LRRC61: variants seen among roughly 807,000 people sequenced by gnomAD.
The protein encoded by LRRC61 is leucine rich repeat containing 61.
Under a neutral mutation model 15.1 loss-of-function variants are expected in LRRC61, and 9 were observed. That is an observed-to-expected ratio of 0.60 (90% CI 0.36 to 1.04). The LOEUF is 1.04. Among genes scored for constraint, LRRC61 ranks in the 50% least tolerant of loss-of-function variants. The pLI, the probability that LRRC61 is intolerant of heterozygous loss-of-function variation, is 0.01. For missense variants in LRRC61, 344 were observed against 335.6 expected, an observed-to-expected ratio of 1.03 and a Z score of -0.20; for synonymous variants, 173 against 158.6, an observed-to-expected ratio of 1.09 and a Z score of -0.68.
rs957088989 is a variant in LRRC61 at position 150,337,876 on chromosome 7, G to A, written c.*235G>A. ...CTCCCACATCCGTGAGCCTGTGTCCGCAGCTGCTGCCACTCTGGGCTGCTC... is the reference window on the plus strand; with the variant it reads ...CTCCCACATCCGTGAGCCTGTGTCCACAGCTGCTGCCACTCTGGGCTGCTC... On this transcript the variant is annotated 3_prime_UTR_variant, in exon 3 of 3. Transcript: ENST00000359623. 7.0e-6 allele frequency: 4 copies of A among 567,442 alleles called. No individual in the cohort carries two copies. The highest frequency in any genetic ancestry group is 3.8e-5 in the African/African-American group (2 of 52,612). 35.2% of individuals were successfully genotyped at this position (567,442 alleles called of 1,614,324 possible). A position where few individuals can be genotyped will look rare whatever the true frequency, so the allele number is the denominator to read the frequency against.
upstream of LRRC61, among the ~76,000 whole-genome samples, chr7:150,321,150 C>A (rs1206434493): frequency 6.6e-6 from 1 of 152,168 alleles, no homozygotes; most frequent in Non-Finnish European, 1.5e-5. Flanking sequence ...ATCTCCCTAA[C>A]CTTTATGTGT....
chr7:150,333,903 GGTC>G lies in LRRC61; in HGVS notation c.-144-2814_-144-2812del, dbSNP rs1283425956. The stretch of plus-strand genomic sequence containing the variant: ...GGTGATGGACCAGAAACACAGCAGA[GGTC>G]ACTGACCCCCAAGAGAATGAGGGTT... On this transcript the variant is annotated intron_variant, in intron 2 of 2. Coordinates refer to ENST00000359623, the MANE Select transcript of LRRC61 (RefSeq NM_001142928.2). This position sits in a 1 kb window ranked among gnomAD's most constrained non-coding sequence, Gnocchi z 4.3. 4.1e-6 allele frequency: 4 copies of G among 985,228 alleles called. No individual in the cohort carries two copies. Among genetic ancestry groups the G allele is most frequent in the Admixed American group, 6.2e-5 (1 of 16,256 alleles). 61.0% of individuals were successfully genotyped at this position (985,228 alleles called of 1,614,324 possible). A position where few individuals can be genotyped will look rare whatever the true frequency, so the allele number is the denominator to read the frequency against.
At chr7:150,331,339 C>T in intron 2 of LRRC61, 1 of 517,124 alleles carries the variant, frequency 1.9e-6, no homozygotes, top group Non-Finnish European at 3.5e-6. Flanking sequence ...CGGTGCTCAC[C>T]CTGCCCGTGA....
In LRRC61 at chr7:150,337,170, T is replaced by C; in HGVS notation, c.309T>C (p.Asn103=). The C allele has an allele frequency of 3.7e-6, 6 of 1,609,722 alleles. No individual in the cohort carries two copies. The highest frequency in any genetic ancestry group is 5.1e-6 in the Non-Finnish European group (6 of 1,179,962). Residue 103 remains asparagine, a synonymous_variant, in exon 3 of 3, where the codon AAT becomes AAC. Transcript: ENST00000359623. ...LATCENLQSL[N]AAGNLLATPG... is the part of the protein sequence containing the mutation. ...CCTGTGAGAACTTGCAGAGTCTCAA[T>C]GCCGCAGGCAACCTACTGGCCACCC...
rs760740442 is a variant in LRRC61, at chr7:150,323,575, G to A, written c.-315+15G>A. The A allele has an allele frequency of 2.2e-6, 1 of 446,100 alleles. No homozygotes were observed. Among genetic ancestry groups the A allele is most frequent in the South Asian group, 1.6e-5 (1 of 63,730 alleles). The allele number at this position is 446,100 out of a possible 1,614,324, so 27.6% of individuals were successfully genotyped here. The stretch of plus-strand genomic sequence containing the variant: ...CCACCCCTCAGGTAAGCGGGGACTG[G>A]GCCGCCGAGGTTCAGGGAAGGGGGC... On this transcript the variant is annotated intron_variant, in intron 1 of 2. Coordinates refer to ENST00000359623, the MANE Select transcript of LRRC61 (RefSeq NM_001142928.2).
At chr7:150,317,922 T>C in the LRRC61 span, among the ~76,000 whole-genome samples, 1 of 151,714 alleles carries the variant, frequency 6.6e-6, no homozygotes, top group African/African-American at 2.4e-5. Context: ...AGGAGGAAAG[T>C]AAACCAAAAG....
chr7:150,319,468 A>G (rs1282368878), upstream of LRRC61, among the ~76,000 whole-genome samples: 2 of 152,120 alleles, frequency 1.3e-5, no homozygotes, highest in South Asian at 2.1e-4. Flanking sequence ...CGGCCTCCCA[A>G]AGTGCTGGGA....
intron 2 of LRRC61, among the ~76,000 whole-genome samples, chr7:150,329,101 T>C (rs1472353989): frequency 6.6e-6 from 1 of 152,214 alleles, no homozygotes; most frequent in African/African-American, 2.4e-5. Flanking sequence ...AGGAGGACAC[T>C]GTGGCAGAAA....
Position 150,337,905 on chromosome 7 carries a change from C to T in LRRC61, c.*264C>T. 1.8e-6 allele frequency: 1 copy of T among 549,304 alleles called. No individual in the cohort carries two copies. The highest frequency in any genetic ancestry group is 3.3e-6 in the Non-Finnish European group (1 of 306,096). The allele number at this position is 549,304 out of a possible 1,614,324, so 34.0% of individuals were successfully genotyped here. On this transcript the variant is annotated 3_prime_UTR_variant, in exon 3 of 3. Coordinates refer to ENST00000359623, the MANE Select transcript of LRRC61 (RefSeq NM_001142928.2). ...CTGCTGCCACTCTGGGCTGCTCCAG[C>T]CTGCAACTTAGTGGAAGGAATTACT...
At position 150,330,683 on chromosome 7, in the gene LRRC61, G is replaced by C. The variant is rs149586894; in HGVS notation, c.-145+4673G>C. The C allele has an allele frequency of 7.0e-7, 1 of 1,421,378 alleles. No individual in the cohort carries two copies. The highest frequency in any genetic ancestry group is 1.7e-5 in the Admixed American group (1 of 59,792). 88.0% of individuals were successfully genotyped at this position (1,421,378 alleles called of 1,614,324 possible). Reference sequence around the variant, plus strand: ...TTGAGGCCATCCTGCCATGGGGGCCGACCGACATTGACCACTGGAAGCAAG... The same window carrying C: ...TTGAGGCCATCCTGCCATGGGGGCCCACCGACATTGACCACTGGAAGCAAG... On this transcript the variant is annotated intron_variant, in intron 2 of 2. Coordinates refer to ENST00000359623, the MANE Select transcript of LRRC61 (RefSeq NM_001142928.2). The surrounding 1 kb of genome is among the most constrained non-coding windows in gnomAD (Gnocchi z 4.6).
the LRRC61 span, among the ~76,000 whole-genome samples, chr7:150,315,129 TAATA>T: frequency 6.8e-6 from 1 of 147,550 alleles, no homozygotes; most frequent in East Asian, 1.9e-4. Context: ...ATATTATGTA[TAATA>T]AATAATATTT....
Position 150,330,950 on chromosome 7 carries a change from G to T in LRRC61, c.-145+4940G>T. On this transcript the variant is annotated intron_variant, in intron 2 of 2. Transcript: ENST00000359623. The surrounding 1 kb of genome is among the most constrained non-coding windows in gnomAD (Gnocchi z 4.6). ...GGCTGCTGGCCTCTGAGAGAAGCGG[G>T]GGCTCGCTGTCCACCAAGAGCCACT... The T allele has an allele frequency of 6.2e-7, 1 of 1,612,196 alleles. No homozygotes were observed. The highest frequency in any genetic ancestry group is 8.5e-7 in the Non-Finnish European group (1 of 1,179,946).
At position 150,330,405 on chromosome 7, in the gene LRRC61, A is replaced by T. The variant is rs747773928; in HGVS notation, c.-145+4395A>T. Reference sequence around the variant, plus strand: ...CAGCAAGCTCCTGTAGCCCTTCCAGATGGTGGTCCGCGAGGCGAGTGCGGC... The same window carrying T: ...CAGCAAGCTCCTGTAGCCCTTCCAGTTGGTGGTCCGCGAGGCGAGTGCGGC... On this transcript the variant is annotated intron_variant, in intron 2 of 2. Transcript: ENST00000359623. This position sits in a 1 kb window ranked among gnomAD's most constrained non-coding sequence, Gnocchi z 4.6. 3 of 768,730 alleles carry T rather than the reference A, an allele frequency of 3.9e-6. No homozygotes were observed. The highest frequency in any genetic ancestry group is 4.8e-6 in the Non-Finnish European group (2 of 418,034). The allele number at this position is 768,730 out of a possible 1,614,324, so 47.6% of individuals were successfully genotyped here. A position where few individuals can be genotyped will look rare whatever the true frequency, so the allele number is the denominator to read the frequency against.
chr7:150,330,468 T>C lies in LRRC61; in HGVS notation c.-145+4458T>C. The stretch of plus-strand genomic sequence containing the variant: ...GAGCCAGGTGCTGCCCCAGCTGCGC[T>C]ACCTGCACATCTTCCTGGAGCAGGT... On this transcript the variant is annotated intron_variant, in intron 2 of 2. Transcript: ENST00000359623. The surrounding 1 kb of genome is among the most constrained non-coding windows in gnomAD (Gnocchi z 4.6). 1.3e-6 allele frequency: 1 copy of C among 779,610 alleles called. No individual in the cohort carries two copies. Among genetic ancestry groups the C allele is most frequent in the African/African-American group, 1.7e-5 (1 of 59,278 alleles). 48.3% of individuals were successfully genotyped at this position (779,610 alleles called of 1,614,324 possible). A position where few individuals can be genotyped will look rare whatever the true frequency, so the allele number is the denominator to read the frequency against.
At chr7:150,327,310 A>G (rs1797983517) in intron 2 of LRRC61, among the ~76,000 whole-genome samples, 1 of 152,074 alleles carries the variant, frequency 6.6e-6, no homozygotes, top group Non-Finnish European at 1.5e-5. Context: ...CATCCAATAG[A>G]TGCACCCCAG....
At chr7:150,318,808 G>T (rs1247988303), upstream of LRRC61, among the ~76,000 whole-genome samples, 2 of 152,150 alleles carry the variant, frequency 1.3e-5, no homozygotes, top group African/African-American at 4.8e-5. Context: ...GATTCTTCTG[G>T]GGGCCCGTGA....
At chr7:150,320,942 C>T (rs560855198), upstream of LRRC61, among the ~76,000 whole-genome samples, 249 of 152,306 alleles carry the variant, frequency 1.6e-3, 1 homozygote, top group African/African-American at 5.5e-3. Context: ...CAACTCAAAT[C>T]ATTGGTAGCT....
the LRRC61 span, among the ~76,000 whole-genome samples, chr7:150,316,166 C>A: frequency 1.3e-5 from 2 of 152,210 alleles, no homozygotes; most frequent in African/African-American, 4.8e-5. Context: ...CATTGCACTC[C>A]AGCCTGGGCA....
chr7:150,330,889 T>C lies in LRRC61; in HGVS notation c.-145+4879T>C, dbSNP rs762998466. ...AGCAGCCACTCTGGGGCCTTCCTGC[T>C]GGCCCAGAGGGAGAAGGGCTTGCTG... On this transcript the variant is annotated intron_variant, in intron 2 of 2. Coordinates refer to ENST00000359623, the MANE Select transcript of LRRC61 (RefSeq NM_001142928.2). This position sits in a 1 kb window ranked among gnomAD's most constrained non-coding sequence, Gnocchi z 4.6. 1.5e-5 allele frequency: 24 copies of C among 1,611,320 alleles called. No individual in the cohort carries two copies. The highest frequency in any genetic ancestry group is 2.0e-5 in the Non-Finnish European group (24 of 1,178,614).
Sources: allele counts gnomAD v4.1 joint callset (sites outside exome capture counted in the v4.1 genomes callset), GRCh38; gene constraint gnomAD v4.1.1; non-coding constraint Gnocchi (gnomAD v3.1); transcripts MANE v1.5; gene names NCBI Gene and HGNC (gene_info 2026-07-23, HGNC 2026-07-21).